Variants in BAZ2B observed in about 807,000 individuals in gnomAD.
The protein encoded by BAZ2B is bromodomain adjacent to zinc finger domain protein 2B.
BAZ2B carries 91 observed loss-of-function variants against 246.0 expected under a neutral mutation model. The observed-to-expected ratio is 0.37, with a 90% CI of 0.31 to 0.44. BAZ2B has a LOEUF of 0.44. Ranked by LOEUF, BAZ2B falls within the 20% of genes least tolerant of loss-of-function variation. The pLI, the probability that BAZ2B is intolerant of heterozygous loss-of-function variation, is 1.00. For missense variants in BAZ2B, 2,332 were observed against 2,533.7 expected (o/e 0.92, Z 1.71); for synonymous variants, 855 against 860.0 (o/e 0.99, Z 0.10).
chr2:159,464,804 A>G (rs1432341188), intron 3 of BAZ2B: 1 of 152,244 alleles, frequency 6.6e-6, no homozygotes, highest in African/African-American at 2.4e-5. Context: ...AATGCTAAAA[A>G]TACGGAATAT....
intron 1 of BAZ2B, among the ~76,000 whole-genome samples, chr2:159,599,805 G>A (rs1477077033): frequency 9.9e-5 from 15 of 151,022 alleles, no homozygotes; most frequent in Non-Finnish European, 5.9e-5. Flanking sequence ...GCGTGGTAGC[G>A]GAAGCCTGTA....
At chr2:159,624,561 G>A in the BAZ2B span, among the ~76,000 whole-genome samples, 1 of 152,324 alleles carries the variant, frequency 6.6e-6, no homozygotes, top group African/African-American at 2.4e-5. Context: ...AGAGTCTGGA[G>A]TGGACCTCCA....
At chr2:159,562,906 C>G (rs1164700188) in intron 1 of BAZ2B, among the ~76,000 whole-genome samples, 19 of 152,006 alleles carry the variant, frequency 1.2e-4, no homozygotes, top group Non-Finnish European at 1.5e-5. Flanking sequence ...AATAAGCCAG[C>G]AATCAAGACA....
chr2:159,602,972 A>G (rs1333569167), intron 1 of BAZ2B, among the ~76,000 whole-genome samples: 5 of 152,158 alleles, frequency 3.3e-5, no homozygotes, highest in Non-Finnish European at 7.4e-5. Flanking sequence ...CCCAATGTCT[A>G]ATAAAAATAC....
Position 159,537,363 on chromosome 2 carries a change from T to A in BAZ2B, c.-3+18460A>T, listed in dbSNP as rs1483020481. On this transcript the variant is annotated intron_variant, in intron 2 of 36. Coordinates refer to ENST00000392783, the MANE Select transcript of BAZ2B (RefSeq NM_013450.4). ...GGTGATGACCGTACACCAATGTGATTGAACTGTACATCCCCAAAGGTCTGA... is the reference window on the plus strand; with the variant it reads ...GGTGATGACCGTACACCAATGTGATAGAACTGTACATCCCCAAAGGTCTGA... Among the ~76,000 whole-genome samples the A allele has an allele frequency of 2.0e-5, 3 of 152,246 alleles. No individual in the cohort carries two copies. In the East Asian group the frequency reaches 5.8e-4, roughly 29 times the overall value.
At chr2:159,450,983 A>G (rs2075012783) in intron 4 of BAZ2B, among the ~76,000 whole-genome samples, 1 of 152,136 alleles carries the variant, frequency 6.6e-6, no homozygotes, top group Non-Finnish European at 1.5e-5. Context: ...CGGCCTCCCA[A>G]AATGCTAGGA....
the BAZ2B span, among the ~76,000 whole-genome samples, chr2:159,655,643 G>A: frequency 6.6e-6 from 1 of 152,064 alleles, no homozygotes; most frequent in Non-Finnish European, 1.5e-5. Context: ...ATGTATACTG[G>A]TTACCTGACA....
At chr2:159,484,082 T>C (rs2079553111) in intron 2 of BAZ2B, among the ~76,000 whole-genome samples, 1 of 152,164 alleles carries the variant, frequency 6.6e-6, no homozygotes, top group South Asian at 2.1e-4. Context: ...AAAGTGCTAA[T>C]GGCATTGAGT....
At position 159,412,372 on chromosome 2, in the gene BAZ2B, G is replaced by A. The variant is rs761523929; in HGVS notation, c.2640C>T (p.Asn880=). Residue 880 remains asparagine (N), a synonymous_variant, in exon 14 of 37, where the codon AAC becomes AAT. Coordinates refer to ENST00000392783, the MANE Select transcript of BAZ2B (RefSeq NM_013450.4). Reference sequence around the variant, plus strand: ...GTTTTCTTAGCAACTTTGCATCTGCGTTATCTAGGAATTCAGCATTGCCAA... The same window carrying A: ...GTTTTCTTAGCAACTTTGCATCTGCATTATCTAGGAATTCAGCATTGCCAA... ...PNVGNAEFLD[N]ADAKLLRKLQ... 9 of 1,613,924 alleles carry A rather than the reference G, an allele frequency of 5.6e-6. No individual in the cohort carries two copies. The highest frequency in any genetic ancestry group is 2.7e-5 in the African/African-American group (2 of 74,894).
chr2:159,638,171 A>G, the BAZ2B span, among the ~76,000 whole-genome samples: 2 of 152,242 alleles, frequency 1.3e-5, no homozygotes, highest in African/African-American at 4.8e-5. Context: ...CTTATCCATG[A>G]CCACCAAGGA....
chr2:159,643,893 A>G, the BAZ2B span, among the ~76,000 whole-genome samples: 3 of 151,882 alleles, frequency 2.0e-5, no homozygotes, highest in African/African-American at 7.3e-5. Flanking sequence ...AAAAAAAAAA[A>G]AAAAAGTCTT....
chr2:159,456,067 C>G (rs962840742), intron 3 of BAZ2B, among the ~76,000 whole-genome samples: 4 of 151,446 alleles, frequency 2.6e-5, no homozygotes, highest in African/African-American at 9.7e-5. Context: ...ATAACAATTC[C>G]TAAATTATAT....
chr2:159,650,364 G>A, the BAZ2B span, among the ~76,000 whole-genome samples: 9 of 151,992 alleles, frequency 5.9e-5, no homozygotes, highest in African/African-American at 2.2e-4. Context: ...ATCCTTTCAG[G>A]TCTTGCTTTT....
At chr2:159,428,485 TAAGTTA>T (rs2070416800) in intron 11 of BAZ2B, 66 bp from the exon 12 acceptor site, 1 of 1,250,516 alleles carries the variant, frequency 8.0e-7, no homozygotes, top group Non-Finnish European at 1.1e-6. Flanking sequence ...AAATTAAAAA[TAAGTTA>T]AAGTATACAT....
chr2:159,415,376 T>C (rs2067511453), intron 13 of BAZ2B, among the ~76,000 whole-genome samples: 1 of 142,730 alleles, frequency 7.0e-6, no homozygotes, highest in African/African-American at 2.6e-5. Flanking sequence ...ACCCAGGGGG[T>C]GGAGGTTGCA....
chr2:159,535,235 C>T (rs1032321945), intron 2 of BAZ2B, among the ~76,000 whole-genome samples: 1 of 143,314 alleles, frequency 7.0e-6, no homozygotes, highest in Non-Finnish European at 1.5e-5. Context: ...ATGAAAAATA[C>T]ACCTGGCTGG....
chr2:159,521,303 G>A (rs917749758), intron 2 of BAZ2B, among the ~76,000 whole-genome samples: 2 of 151,874 alleles, frequency 1.3e-5, no homozygotes, highest in African/African-American at 4.8e-5. Context: ...AAATTGAAAT[G>A]GCTTTTGAAC....
At chr2:159,367,793 C>A (rs1470318558) in intron 27 of BAZ2B, among the ~76,000 whole-genome samples, 1 of 151,938 alleles carries the variant, frequency 6.6e-6, no homozygotes, top group Non-Finnish European at 1.5e-5. Context: ...GAGGCTGAGG[C>A]AGGAGAATGG....
chr2:159,370,315 A>G (rs2060688315), intron 27 of BAZ2B, among the ~76,000 whole-genome samples: 2 of 130,714 alleles, frequency 1.5e-5, no homozygotes, highest in African/African-American at 5.2e-5. Flanking sequence ...AACTTAAAGT[A>G]TAATAAAAAT....
Sources: gnomAD v4.1 joint callset for allele counts (sites outside exome capture counted in the v4.1 genomes callset) on GRCh38, gnomAD v4.1.1 for gene constraint, MANE v1.5 for transcripts, NCBI Gene and HGNC (gene_info 2026-07-23, HGNC 2026-07-21) for gene names.